MVD: variants seen among roughly 807,000 people sequenced by gnomAD.
The protein encoded by MVD is mevalonate diphosphate decarboxylase.
In MVD, 52 loss-of-function variants were observed where a neutral mutation model predicts 42.4. The observed-to-expected ratio is 1.23, with a 90% CI of 0.98 to 1.55. The LOEUF is 1.55. Among genes scored for constraint, MVD ranks in the 40% most tolerant of loss-of-function variants. MVD has a pLI of 0.00. For synonymous variants in MVD, 287 were observed against 243.2 expected, an observed-to-expected ratio of 1.18 and a Z score of -1.68; for missense variants, 663 against 572.1, an observed-to-expected ratio of 1.16 and a Z score of -1.62.
chr16:88,655,736 C>G lies in MVD; in HGVS notation c.604-6G>C. On this transcript the variant is annotated splice_polypyrimidine_tract_variant and splice_region_variant and intron_variant, in intron 5 of 9. Coordinates refer to ENST00000301012, the MANE Select transcript of MVD (RefSeq NM_002461.3). ...AGCTTCTTCTCAGCGCTCACCTGCA[C>G]GAGGGAGAGACAGCCTGGGCCACAC... 1 of 1,554,352 alleles carries G rather than the reference C, an allele frequency of 6.4e-7. No individual in the cohort carries two copies. The highest frequency in any genetic ancestry group is 1.2e-5 in the South Asian group (1 of 84,392).
At position 88,656,136 on chromosome 16, in the gene MVD, T is replaced by C; in HGVS notation, c.572A>G (p.His191Arg). 6.2e-7 allele frequency: 1 copy of C among 1,601,942 alleles called. No individual in the cohort carries two copies. Among genetic ancestry groups the C allele is most frequent in the Non-Finnish European group, 8.5e-7 (1 of 1,179,882 alleles). ...GATGAGCACGCGGAGTTCAGGCCAG[T>C]GTGACTCGGGGGCCACTTGCCGAGC... Reference protein sequence around the residue: ...SIARQVAPESHWPELRVLILV... With the variant: ...SIARQVAPESRWPELRVLILV... The change falls in exon 5 of 10, where the codon CAC becomes CGC. Residue 191 changes from histidine (H) to arginine (R), a missense_variant. Transcript: ENST00000301012.
intron 2 of MVD, 101 bp from the exon 3 acceptor site, chr16:88,658,130 G>GC (rs768586565): frequency 1.4e-5 from 17 of 1,202,532 alleles, no homozygotes; most frequent in African/African-American, 3.0e-5. Context: ...GCCCACTCGA[G>GC]CAAGGTCAGC....
chr16:88,654,583 C>A (rs985845446), intron 8 of MVD, 109 bp downstream of exon 8: 5 of 1,111,586 alleles, frequency 4.5e-6, no homozygotes, highest in Non-Finnish European at 6.3e-6. Context: ...TGCTGCCTGC[C>A]CTGGGACTCC....
At chr16:88,654,100 C>T (rs1335899305) in intron 8 of MVD, among the ~76,000 whole-genome samples, 1 of 151,876 alleles carries the variant, frequency 6.6e-6, no homozygotes, top group African/African-American at 2.4e-5. Flanking sequence ...CCGAGGAGGG[C>T]GTACATGGGG....
In MVD at chr16:88,663,024, C is replaced by A; in HGVS notation, c.57G>T (p.Ala19=). 1 of 1,607,674 alleles carries A rather than the reference C, an allele frequency of 6.2e-7. No homozygotes were observed. Among genetic ancestry groups the A allele is most frequent in the Non-Finnish European group, 8.5e-7 (1 of 1,177,702 alleles). ...AVTCTAPVNI[A]VIKYWGKRDE... ...CGCGGCACTCACAGTACTTGATGAC[C>A]GCGATGTTGACCGGCGCTGTACAAG... The change falls in exon 1 of 10, where the codon GCG becomes GCT. Residue 19 remains alanine (A), a synonymous_variant. Coordinates refer to ENST00000301012, the MANE Select transcript of MVD (RefSeq NM_002461.3).
At chr16:88,655,532 C>A in intron 6 of MVD, 115 bp from the exon 7 acceptor site, 1 of 1,505,492 alleles carries the variant, frequency 6.6e-7, no homozygotes, top group Non-Finnish European at 8.9e-7. Context: ...CATTTGGCTC[C>A]TGCACGTGGT....
chr16:88,656,557 G>C, intron 4 of MVD: 2 of 574,304 alleles, frequency 3.5e-6, no homozygotes, highest in East Asian at 5.7e-5. Flanking sequence ...GGCAACAAAA[G>C]GTACCTGCGG....
Position 88,653,389 on chromosome 16 carries a change from C to A in MVD, c.1033G>T (p.Val345Leu). 6.2e-7 allele frequency: 1 copy of A among 1,603,688 alleles called. No homozygotes were observed. The highest frequency in any genetic ancestry group is 1.8e-5 in the Admixed American group (1 of 56,872). The change falls in exon 9 of 10, where the codon GTG (valine) becomes TTG (leucine). Residue 345 changes from valine (V) to leucine (L), a missense_variant. Transcript: ENST00000301012. ...TCAGCTGAGAGAGGGGCCGGCCTCA[C>A]CTGCAGCCCCTTCAGAAACCTGGAA... is the stretch of plus-strand genomic sequence containing the variant. ...NGDTFLKGLQ[V>L]RPAPLSAELQ...
rs990486879 is a variant in MVD at position 88,657,558 on chromosome 16, C to T, written c.281G>A (p.Arg94Lys). Residue 94 changes from arginine to lysine, a missense_variant, in exon 4 of 10, where the codon AGG (arginine) becomes AAG (lysine). By Grantham distance (26) the Arg-to-Lys change is conservative. Coordinates refer to ENST00000301012, the MANE Select transcript of MVD (RefSeq NM_002461.3). ...CAGCGGGTCCCCATCCCGTGAGTTC[C>T]TCCGCTTCCGGGCCAGGCAGCGGAC... The part of the protein sequence containing the change: ...REIRCLARKR[R>K]NSRDGDPLPS... 2.5e-6 allele frequency: 4 copies of T among 1,612,700 alleles called. No homozygotes were observed. In the Middle Eastern group the frequency reaches 4.9e-4, roughly 200 times the overall value.
rs980389945 is a variant in MVD at position 88,652,700 on chromosome 16, GC to G, written c.1123-96del. On this transcript the variant is annotated intron_variant, in intron 9 of 9. Coordinates refer to ENST00000301012, the MANE Select transcript of MVD (RefSeq NM_002461.3). ...GCCGGACACAGGAGGGTAGCGGTGT[GC>G]CCCCGCCCTTCCTGTGGGTCCTGGT... 1.1e-4 allele frequency: 130 copies of G among 1,202,376 alleles called. 1 individual carries two copies. The highest frequency in any genetic ancestry group is 4.0e-4 in the Middle Eastern group (2 of 5,060). The allele number at this position is 1,202,376 out of a possible 1,614,324, so 74.5% of individuals were successfully genotyped here. A position where few individuals can be genotyped will look rare whatever the true frequency, so the allele number is the denominator to read the frequency against.
chr16:88,655,982 C>T lies in MVD; in HGVS notation c.603+123G>A, dbSNP rs371104077. On this transcript the variant is annotated intron_variant, in intron 5 of 9. Transcript: ENST00000301012. ...CTCAACCACGCTTCTGTTCCTTCAGCCCCCGCTGACCCCAGGAGCCAAGCA... is the reference window on the plus strand; with the variant it reads ...CTCAACCACGCTTCTGTTCCTTCAGTCCCCGCTGACCCCAGGAGCCAAGCA... 1.0e-4 allele frequency: 135 copies of T among 1,336,764 alleles called. No individual in the cohort carries two copies. In the African/African-American group the frequency reaches 1.1e-3, roughly 11 times the overall value. 82.8% of individuals were successfully genotyped at this position (1,336,764 alleles called of 1,614,324 possible).
At position 88,662,993 on chromosome 16, in the gene MVD, C is replaced by A. The variant is rs1211262678; in HGVS notation, c.70+18G>T. On this transcript the variant is annotated intron_variant, in intron 1 of 9. Coordinates refer to ENST00000301012, the MANE Select transcript of MVD (RefSeq NM_002461.3). ...CGCTCCCGGCCATCCCCGTCCCAGGCCGGCCCGCGGCACTCACAGTACTTG... is the reference window on the plus strand; with the variant it reads ...CGCTCCCGGCCATCCCCGTCCCAGGACGGCCCGCGGCACTCACAGTACTTG... 6.3e-7 allele frequency: 1 copy of A among 1,590,580 alleles called. No homozygotes were observed. Among genetic ancestry groups the A allele is most frequent in the Non-Finnish European group, 8.5e-7 (1 of 1,169,628 alleles).
At chr16:88,662,686 C>T in intron 1 of MVD, 1 of 1,339,524 alleles carries the variant, frequency 7.5e-7, no homozygotes, top group Non-Finnish European at 9.7e-7. Flanking sequence ...GAGCCACAAA[C>T]GCGCACCACC....
intron 1 of MVD, chr16:88,658,937 G>A: frequency 1.8e-6 from 1 of 554,378 alleles, no homozygotes; most frequent in Non-Finnish European, 3.3e-6. Flanking sequence ...CTGGAGGCCA[G>A]CCAACCTCCG....
intron 4 of MVD, 200 bp from the exon 5 acceptor site, chr16:88,656,504 C>T (rs1907940087): frequency 9.7e-6 from 6 of 620,992 alleles, no homozygotes; most frequent in Non-Finnish European, 1.4e-5. Context: ...CACTCTCGGA[C>T]ACTCTCTGTT....
In MVD at chr16:88,652,273, C is replaced by T. The variant is rs554214261; in HGVS notation, c.*252G>A. On this transcript the variant is annotated 3_prime_UTR_variant, in exon 10 of 10. Transcript: ENST00000301012. ...GCTGCACCGAGGCTCTGCCAGTTCTCATACCCCCTCCCCATCCCATCTTGG... is the reference window on the plus strand; with the variant it reads ...GCTGCACCGAGGCTCTGCCAGTTCTTATACCCCCTCCCCATCCCATCTTGG... 4 of 591,364 alleles carry T rather than the reference C, an allele frequency of 6.8e-6. No homozygotes were observed. The East Asian group carries it at 8.5e-5, about 13-fold the overall frequency. The allele number at this position is 591,364 out of a possible 1,614,324, so 36.6% of individuals were successfully genotyped here.
At position 88,654,745 on chromosome 16, in the gene MVD, A is replaced by G. The variant is rs1291190731; in HGVS notation, c.960T>C (p.Ala320=). 1 of 1,603,350 alleles carries G rather than the reference A, an allele frequency of 6.2e-7. No homozygotes were observed. Residue 320 remains alanine, a synonymous_variant, in exon 8 of 10, where the codon GCT becomes GCC. Transcript: ENST00000301012. ...AVIFTLDDTV[A]EFVAAVWHGF... ...CGTGCCACACAGCAGCCACAAACTC[A>G]GCCACAGTGTCGTCCAGGGTGAAGA...
intron 1 of MVD, chr16:88,662,651 C>G: frequency 7.9e-7 from 1 of 1,259,358 alleles, no homozygotes; most frequent in Non-Finnish European, 1.0e-6. Flanking sequence ...TGGCCATCCT[C>G]CCGCCTCAGC....
Position 88,655,180 on chromosome 16 carries a change from C to T in MVD, c.897+19G>A, listed in dbSNP as rs1449139216. The T allele has an allele frequency of 1.3e-6, 2 of 1,551,164 alleles. No homozygotes were observed. Among genetic ancestry groups the T allele is most frequent in the Non-Finnish European group, 1.7e-6 (2 of 1,147,490 alleles). On this transcript the variant is annotated intron_variant, in intron 7 of 9. Coordinates refer to ENST00000301012, the MANE Select transcript of MVD (RefSeq NM_002461.3). ...CGCTACAGCGCGAGCGCAGCCTCTG[C>T]CCTCCCGGCCCGCGTCACCTTGGTG...
Sources: gnomAD v4.1 joint callset for allele counts (sites outside exome capture counted in the v4.1 genomes callset) on GRCh38, gnomAD v4.1.1 for gene constraint, MANE v1.5 for transcripts, NCBI Gene and HGNC (gene_info 2026-07-23, HGNC 2026-07-21) for gene names.